Variants in WWOX observed in about 807,000 individuals in gnomAD.
WWOX encodes WW domain containing oxidoreductase, also known as WW domain-containing oxidoreductase.
In WWOX, 69 loss-of-function variants were observed where a neutral mutation model predicts 46.2. That is an observed-to-expected ratio of 1.49 (90% confidence interval 1.23 to 1.82). The LOEUF (loss-of-function observed/expected upper bound fraction) is 1.82, where lower values mean the gene tolerates loss of function less well. Among genes scored for constraint, WWOX ranks in the 40% most tolerant of loss-of-function variants. The probability of loss-of-function intolerance (pLI) is 0.00; values close to 1 mark genes in which losing one functional copy is unlikely to be tolerated. For missense variants in WWOX, 919 were observed against 542.6 expected (o/e 1.69, Z -6.89); for synonymous variants, 359 against 202.6 (o/e 1.77, Z -6.56).
At chr16:78,459,634 C>T (rs2083904362) in intron 8 of WWOX, among the ~76,000 whole-genome samples, 1 of 152,104 alleles carries the variant, frequency 6.6e-6, no homozygotes, top group African/African-American at 2.4e-5. Flanking sequence ...TTTGCGTGTG[C>T]CATTATTATA....
At chr16:79,211,564 C>T in intron 8 of WWOX, 44 bp from the exon 9 acceptor site, 13 of 1,613,546 alleles carry the variant, frequency 8.1e-6, no homozygotes, top group Non-Finnish European at 1.0e-5. Flanking sequence ...TCTCATCACT[C>T]CTTTTCTTAA....
intron 5 of WWOX, among the ~76,000 whole-genome samples, chr16:78,172,465 A>G (rs1175137230): frequency 6.6e-6 from 1 of 152,172 alleles, no homozygotes; most frequent in Non-Finnish European, 1.5e-5. Context: ...TCTCCAGAAT[A>G]CCTAAAACTT....
At chr16:78,306,846 A>T (rs915642719) in intron 5 of WWOX, among the ~76,000 whole-genome samples, 1 of 151,076 alleles carries the variant, frequency 6.6e-6, no homozygotes, top group African/African-American at 2.4e-5. Context: ...CCTTCCCACA[A>T]TCCCCACTGA....
intron 8 of WWOX, among the ~76,000 whole-genome samples, chr16:79,047,724 A>T (rs1370019272): frequency 1.9e-5 from 2 of 108,024 alleles, no homozygotes; most frequent in Non-Finnish European, 3.4e-5. Flanking sequence ...GTTTTGGGTG[A>T]TGCAGATGGA....
intron 8 of WWOX, among the ~76,000 whole-genome samples, chr16:78,730,662 GT>G (rs1748030564): frequency 7.1e-6 from 1 of 141,272 alleles, no homozygotes; most frequent in Admixed American, 7.5e-5. Flanking sequence ...GTCTTGCTGT[GT>G]TGCCCGGGAT....
intron 8 of WWOX, among the ~76,000 whole-genome samples, chr16:79,210,497 G>T (rs1355307568): frequency 2.0e-5 from 3 of 152,120 alleles, no homozygotes; most frequent in Non-Finnish European, 4.4e-5. Flanking sequence ...CACAATCAAA[G>T]TTCCTTAGTG....
intron 5 of WWOX, among the ~76,000 whole-genome samples, chr16:78,184,841 T>C (rs538263835): frequency 1.3e-5 from 2 of 152,354 alleles, no homozygotes; most frequent in Admixed American, 6.5e-5. Flanking sequence ...AATGGAATTA[T>C]GTGTTGGGAC....
intron 8 of WWOX, among the ~76,000 whole-genome samples, chr16:78,620,048 G>A (rs1439872083): frequency 6.6e-6 from 1 of 152,146 alleles, no homozygotes; most frequent in African/African-American, 2.4e-5. Flanking sequence ...TTCCTTTTCT[G>A]CCAAATGGAA....
chr16:78,189,046 A>G (rs540014557), intron 5 of WWOX, among the ~76,000 whole-genome samples: 30 of 152,228 alleles, frequency 2.0e-4, no homozygotes, highest in African/African-American at 6.7e-4. Context: ...CTGAGGCCCA[A>G]CCTTCCTGTT....
At chr16:79,014,843 T>C (rs902685513) in intron 8 of WWOX, among the ~76,000 whole-genome samples, 5 of 152,250 alleles carry the variant, frequency 3.3e-5, no homozygotes, top group Non-Finnish European at 7.3e-5. Flanking sequence ...TATCTGATTA[T>C]CTGATTCTCT....
intron 8 of WWOX, among the ~76,000 whole-genome samples, chr16:78,962,572 A>T (rs887432396): frequency 6.6e-6 from 1 of 152,158 alleles, no homozygotes; most frequent in East Asian, 1.9e-4. Flanking sequence ...TGCATCAGAA[A>T]GTGCCCAGAA....
In WWOX at chr16:78,390,728, A is replaced by G. The variant is rs1487999263; in HGVS notation, c.605+3780A>G. Among the ~76,000 whole-genome samples, 3 of 152,220 alleles carry G rather than the reference A, an allele frequency of 2.0e-5. No homozygotes were observed. The East Asian group carries it at 5.8e-4, about 29-fold the overall frequency. ...AGTGCTGGTGACTAGGCTGCCAGAG[A>G]AACACATGTAACTCTATTCTTATCA... On this transcript the variant is annotated intron_variant, in intron 6 of 8. Coordinates refer to ENST00000566780, the MANE Select transcript of WWOX (RefSeq NM_016373.4).
At position 78,347,476 on chromosome 16, in the gene WWOX, C is replaced by T. The variant is rs1342446400; in HGVS notation, c.517-39384C>T. Among the ~76,000 whole-genome samples the T allele has an allele frequency of 1.7e-5, 2 of 117,668 alleles. 1 individual carries two copies. The highest frequency in any genetic ancestry group is 5.2e-4 in the South Asian group (2 of 3,850). The allele number at this position is 117,668 out of a possible 152,430, so 77.2% of individuals were successfully genotyped here. ...AGTCACGCTGTTACCCCCACAATGT[C>T]CCCCCACATATCATTGCTATCCCTC... is the stretch of plus-strand genomic sequence containing the variant. On this transcript the variant is annotated intron_variant, in intron 5 of 8. Transcript: ENST00000566780.
At chr16:78,541,785 C>A (rs1488126797) in intron 8 of WWOX, among the ~76,000 whole-genome samples, 1 of 151,908 alleles carries the variant, frequency 6.6e-6, no homozygotes, top group Admixed American at 6.6e-5. Flanking sequence ...TAGGCACAGA[C>A]CTAGGAACTC....
intron 8 of WWOX, among the ~76,000 whole-genome samples, chr16:79,117,711 T>A (rs1477198308): frequency 2.0e-5 from 3 of 152,278 alleles, no homozygotes; most frequent in Non-Finnish European, 4.4e-5. Context: ...TGCTGCAGCT[T>A]CTGCATCAGC....
chr16:78,743,327 GT>G (rs1167682969), intron 8 of WWOX, among the ~76,000 whole-genome samples: 1 of 152,134 alleles, frequency 6.6e-6, no homozygotes, highest in Non-Finnish European at 1.5e-5. Flanking sequence ...AGAAGACTGT[GT>G]TTGCTGTCAT....
intron 4 of WWOX, among the ~76,000 whole-genome samples, chr16:78,136,996 G>A (rs1449299703): frequency 1.3e-5 from 2 of 152,194 alleles, no homozygotes; most frequent in African/African-American, 4.8e-5. Flanking sequence ...AGGAGAGGCA[G>A]AGCTGCGTGT....
At chr16:78,501,358 T>C (rs1022325268) in intron 8 of WWOX, among the ~76,000 whole-genome samples, 1 of 151,990 alleles carries the variant, frequency 6.6e-6, no homozygotes, top group Non-Finnish European at 1.5e-5. Context: ...GAGCTTAAGA[T>C]GACCTCCTCT....
intron 6 of WWOX, among the ~76,000 whole-genome samples, chr16:78,415,745 C>A (rs551843864): frequency 7.2e-5 from 11 of 152,308 alleles, no homozygotes; most frequent in African/African-American, 2.4e-4. Context: ...CCACCTCACT[C>A]CACTCTTGCC....
Sources: gnomAD v4.1 joint callset for allele counts (sites outside exome capture counted in the v4.1 genomes callset) on GRCh38, gnomAD v4.1.1 for gene constraint, MANE v1.5 for transcripts, NCBI Gene and HGNC (gene_info 2026-07-23, HGNC 2026-07-21) for gene names.